The following CFAP47 variants were observed in gnomAD, a reference collection of about 807,000 sequenced individuals.
CFAP47 encodes cilia- and flagella-associated protein 47.
CFAP47 carries 29 observed loss-of-function variants against 148.1 expected under a neutral mutation model. The ratio of observed to expected loss-of-function variants is 0.20; its 90% CI spans 0.15 to 0.27. The LOEUF (loss-of-function observed/expected upper bound fraction) is 0.27, where lower values mean the gene tolerates loss of function less well. Ranked by LOEUF, CFAP47 falls within the 10% of genes least tolerant of loss-of-function variation. The pLI, the probability that CFAP47 is intolerant of heterozygous loss-of-function variation, is 1.00. For synonymous variants in CFAP47, 664 were observed against 577.3 expected (o/e 1.15, Z -2.15); for missense variants, 1,872 against 1,697.5 (o/e 1.10, Z -1.81).
intron 1 of CFAP47, among the ~76,000 whole-genome samples, chrX:35,924,975 G>A (rs935418908): frequency 9.0e-6 from 1 of 111,548 alleles, no homozygotes; most frequent in Admixed American, 9.5e-5. Flanking sequence ...GTTGGGGTGG[G>A]CAGAGAAAGG....
In CFAP47 at chrX:36,039,135, A is replaced by T. The variant is rs1182136496; in HGVS notation, c.3963A>T (p.Ile1321=). 1 of 1,092,494 alleles carries T rather than the reference A, an allele frequency of 9.2e-7. No homozygotes were observed. The highest frequency in any genetic ancestry group is 1.2e-6 in the Non-Finnish European group (1 of 813,504). 90.0% of individuals were successfully genotyped at this position (1,092,494 alleles called of 1,213,427 possible). Residue 1321 remains isoleucine, a synonymous_variant, in exon 25 of 64, where the codon ATA becomes ATT. Transcript: ENST00000378653. ...TTTTCACTCCTGTTCCTTTGGATAT[A>T]ACAACTGTAATGGATATCAACATTT... ...FIFFTPVPLD[I]TTVMDINILP...
At chrX:36,099,545 C>T (rs1601977062) in intron 31 of CFAP47, among the ~76,000 whole-genome samples, 1 of 106,205 alleles carries the variant, frequency 9.4e-6, no homozygotes, top group East Asian at 3.0e-4. Context: ...CTAGTAGGTG[C>T]GTTGAATGAA....
chrX:35,986,809 T>A (rs757224658), intron 15 of CFAP47, among the ~76,000 whole-genome samples: 2 of 111,519 alleles, frequency 1.8e-5, no homozygotes, highest in East Asian at 5.7e-4. Context: ...ACGTCCTTTT[T>A]GTTGATGTTG....
At chrX:35,936,662 A>C (rs1215777799) in intron 2 of CFAP47, among the ~76,000 whole-genome samples, 1 of 110,629 alleles carries the variant, frequency 9.0e-6, no homozygotes. Flanking sequence ...TAACAGGCAC[A>C]CACCCCATTT....
chrX:35,920,861 GA>G (rs1019178949), intron 1 of CFAP47, among the ~76,000 whole-genome samples: 3 of 110,748 alleles, frequency 2.7e-5, no homozygotes, highest in South Asian at 3.8e-4. Context: ...TATATGTGCA[GA>G]AAAAAAAGAT....
intron 33 of CFAP47, among the ~76,000 whole-genome samples, chrX:36,114,746 G>A (rs1468871072): frequency 9.0e-6 from 1 of 111,474 alleles, no homozygotes; most frequent in Non-Finnish European, 1.9e-5. Context: ...AGGATGAGGT[G>A]CTCCCAGACT....
intron 2 of CFAP47, among the ~76,000 whole-genome samples, chrX:35,935,338 T>G (rs1016618477): frequency 4.5e-5 from 5 of 111,755 alleles, no homozygotes; most frequent in Non-Finnish European, 9.4e-5. Context: ...TACTTTCTGC[T>G]GTGACAGGGC....
At chrX:36,371,886 G>GTATATATGTGTGTATATATA in intron 62 of CFAP47, among the ~76,000 whole-genome samples, 1 of 54,644 alleles carries the variant, frequency 1.8e-5, no homozygotes, top group African/African-American at 2.6e-4. Context: ...ATATATGTGT[G>GTATATATGTGTGTATATATA]CATATACACA....
chrX:36,235,987 G>C lies in CFAP47; in HGVS notation c.7068G>C (p.Trp2356Cys). 1 of 514,731 alleles carries C rather than the reference G, an allele frequency of 1.9e-6. No homozygotes were observed. Among genetic ancestry groups the C allele is most frequent in the Non-Finnish European group, 3.5e-6 (1 of 282,794 alleles). 42.4% of individuals were successfully genotyped at this position (514,731 alleles called of 1,213,427 possible). A position where few individuals can be genotyped will look rare whatever the true frequency, so the allele number is the denominator to read the frequency against. The change falls in exon 47 of 64, where the codon TGG becomes TGC. Residue 2356 changes from tryptophan to cysteine, a missense_variant. By Grantham distance (215) the Trp-to-Cys change is radical. Coordinates refer to ENST00000378653, the MANE Select transcript of CFAP47 (RefSeq NM_001304548.2). ...TTCAAGTTACTATAGAAGGAGAATGGTTTTATGGACCTGTTGATTTACATG... is the reference window on the plus strand; with the variant it reads ...TTCAAGTTACTATAGAAGGAGAATGCTTTTATGGACCTGTTGATTTACATG... ...WTFQVTIEGE[W>C]FYGPVDLHVG... is the part of the protein sequence containing the mutation.
chrX:36,326,444 CAAG>C (rs1556013051), intron 57 of CFAP47, among the ~76,000 whole-genome samples: 1 of 111,455 alleles, frequency 9.0e-6, no homozygotes, highest in Non-Finnish European at 1.9e-5. Flanking sequence ...GCTTAGAAGA[CAAG>C]AAGATGTGGG....
At chrX:36,032,128 G>T (rs1245267884) in intron 23 of CFAP47, among the ~76,000 whole-genome samples, 1 of 110,743 alleles carries the variant, frequency 9.0e-6, no homozygotes, top group African/African-American at 3.3e-5. Context: ...TTATGTGTGG[G>T]GCTAGAAAGG....
At chrX:36,071,996 T>C in intron 28 of CFAP47, 25 bp downstream of exon 28, 3 of 1,124,580 alleles carry the variant, frequency 2.7e-6, no homozygotes, top group Non-Finnish European at 3.6e-6. Flanking sequence ...TATAGTGTAC[T>C]TTCCAAAATT....
intron 57 of CFAP47, among the ~76,000 whole-genome samples, chrX:36,340,794 AC>A (rs1287044839): frequency 9.0e-6 from 1 of 110,904 alleles, no homozygotes; most frequent in African/African-American, 3.3e-5. Context: ...CCTTCAAACC[AC>A]CAATAGAGTA....
rs142009198 is a variant in CFAP47, at chrX:35,948,563, G to A, written c.656+111G>A. The A allele has an allele frequency of 2.9e-3, 1,845 of 627,834 alleles. 7 individuals carry two copies. The highest frequency in any genetic ancestry group is 0.017 in the African/African-American group (772 of 44,415). 51.7% of individuals were successfully genotyped at this position (627,834 alleles called of 1,213,427 possible). On this transcript the variant is annotated intron_variant, in intron 4 of 63. Transcript: ENST00000378653. ...GTTAGCTCCTTTGTTCTTCCATTCA[G>A]CGTTGTTCATTGAGTCTCTACTATT...
At chrX:36,099,681 G>GA (rs995110300) in intron 31 of CFAP47, 70 bp from the exon 32 acceptor site, 9,392 of 418,603 alleles carry the variant, frequency 0.022, 2 homozygotes, top group Non-Finnish European at 0.025. Context: ...CACATGTTTT[G>GA]AAAAAAAAAA....
intron 33 of CFAP47, among the ~76,000 whole-genome samples, chrX:36,106,427 A>G (rs934711897): frequency 1.8e-5 from 2 of 111,796 alleles, no homozygotes; most frequent in African/African-American, 6.5e-5. Flanking sequence ...TGGGTAATTT[A>G]TAAAGATCAG....
At chrX:36,014,054 G>A (rs959303570) in intron 21 of CFAP47, among the ~76,000 whole-genome samples, 23 of 111,598 alleles carry the variant, frequency 2.1e-4, no homozygotes, top group African/African-American at 5.8e-4. Context: ...AAAATTTTGC[G>A]TTCTCATCAG....
At chrX:36,250,102 A>T in intron 48 of CFAP47, among the ~76,000 whole-genome samples, 1 of 111,867 alleles carries the variant, frequency 8.9e-6, no homozygotes, top group East Asian at 2.8e-4. Flanking sequence ...TATGTCAAAG[A>T]AATATCTGCA....
intron 38 of CFAP47, among the ~76,000 whole-genome samples, chrX:36,160,094 A>G: frequency 8.9e-6 from 1 of 111,759 alleles, no homozygotes; most frequent in South Asian, 3.7e-4. Context: ...GATTATAAAG[A>G]AATTTAGGTG....
Sources: gnomAD v4.1 joint callset for allele counts (sites outside exome capture counted in the v4.1 genomes callset) on GRCh38, gnomAD v4.1.1 for gene constraint, MANE v1.5 for transcripts, NCBI Gene and HGNC (gene_info 2026-07-23, HGNC 2026-07-21) for gene names.